FMNL2: variants seen among roughly 807,000 people sequenced by gnomAD.
FMNL2 encodes the protein formin-like protein 2.
A neutral mutation model predicts 130.2 loss-of-function variants in FMNL2; 51 were observed. The ratio of observed to expected loss-of-function variants is 0.39; its 90% confidence interval spans 0.31 to 0.49. The LOEUF (loss-of-function observed/expected upper bound fraction) is 0.49, where lower values mean the gene tolerates loss of function less well. FMNL2 is among the 20% of genes least tolerant of loss of function. FMNL2 has a pLI of 0.85. For synonymous variants in FMNL2, 465 were observed against 467.1 expected (o/e 1.00, Z 0.06); for missense variants, 977 against 1,316.2 (o/e 0.74, Z 3.99).
intron 7 of FMNL2, 40 bp from the exon 8 acceptor site, chr2:152,578,848 C>A: frequency 1.3e-6 from 2 of 1,550,450 alleles, no homozygotes; most frequent in Non-Finnish European, 1.8e-6. Flanking sequence ...ACTTGTCTCC[C>A]AATGCTTTGT....
chr2:152,440,204 C>G (rs1201360603), intron 1 of FMNL2, among the ~76,000 whole-genome samples: 1 of 152,170 alleles, frequency 6.6e-6, no homozygotes. Flanking sequence ...ATCCTCTTGA[C>G]TCAGCCTCCC....
At chr2:152,517,562 G>A (rs1359981062) in intron 1 of FMNL2, among the ~76,000 whole-genome samples, 3 of 152,172 alleles carry the variant, frequency 2.0e-5, no homozygotes, top group African/African-American at 7.2e-5. Flanking sequence ...TCCTGGAGTA[G>A]TGGGGGGAAG....
intron 1 of FMNL2, among the ~76,000 whole-genome samples, chr2:152,453,356 T>C (rs1459686238): frequency 6.6e-6 from 1 of 152,172 alleles, no homozygotes; most frequent in Non-Finnish European, 1.5e-5. Flanking sequence ...CCTTTGCGTA[T>C]ATATTTAAAA....
chr2:152,628,483 A>G lies in FMNL2; in HGVS notation c.2350A>G (p.Ile784Val). ...CGAGAGGCTCATGCAGAAGATGACC[A>G]TCATGGCCTTCATTGGGAACTTTGC... ...KIERLMQKMT[I>V]MAFIGNFAES... Residue 784 changes from isoleucine to valine, a missense_variant, in exon 18 of 26, where the codon ATC becomes GTC. Physicochemically the swap from Ile to Val is conservative, Grantham distance 29. Around this residue, in one of 4 missense-constraint regions of FMNL2, gnomAD observed 689 missense variants for 995.9 expected, o/e 0.69. Transcript: ENST00000288670. 6.2e-7 allele frequency: 1 copy of G among 1,614,042 alleles called. No individual in the cohort carries two copies. Among genetic ancestry groups the G allele is most frequent in the African/African-American group, 1.3e-5 (1 of 75,056 alleles).
At chr2:152,495,323 A>G (rs527546600) in intron 1 of FMNL2, among the ~76,000 whole-genome samples, 1 of 152,196 alleles carries the variant, frequency 6.6e-6, no homozygotes, top group African/African-American at 2.4e-5. Flanking sequence ...TACGTAGATC[A>G]TATTATCAGA....
At chr2:152,527,401 G>A (rs901421445) in intron 2 of FMNL2, among the ~76,000 whole-genome samples, 1 of 152,048 alleles carries the variant, frequency 6.6e-6, no homozygotes, top group African/African-American at 2.4e-5. Flanking sequence ...TACCTAATGG[G>A]TTTGAAACCA....
chr2:152,636,469 G>A lies in FMNL2; in HGVS notation c.2723G>A (p.Arg908Lys). 1 of 1,612,254 alleles carries A rather than the reference G, an allele frequency of 6.2e-7. No homozygotes were observed. Among genetic ancestry groups the A allele is most frequent in the South Asian group, 1.1e-5 (1 of 90,590 alleles). ...NVLLDVKELQRGMDLTKREYT... is the reference protein window; with the variant it reads ...NVLLDVKELQKGMDLTKREYT... ...TTGCTGGATGTCAAGGAGCTCCAGA[G>A]GGGAATGGACTTGACCAAGAGAGAG... The change falls in exon 22 of 26, where the codon AGG becomes AAG. Residue 908 changes from arginine (R) to lysine (K), a missense_variant. Physicochemically the swap from Arg to Lys is conservative, Grantham distance 26. Coordinates refer to ENST00000288670, the MANE Select transcript of FMNL2 (RefSeq NM_052905.4).
intron 10 of FMNL2, among the ~76,000 whole-genome samples, chr2:152,609,389 A>T (rs1441797204): frequency 6.6e-6 from 1 of 152,226 alleles, no homozygotes; most frequent in Non-Finnish European, 1.5e-5. Context: ...GAGGCTTTTG[A>T]TAAACTGCCT....
intron 9 of FMNL2, among the ~76,000 whole-genome samples, chr2:152,581,478 G>C (rs1460571005): frequency 6.6e-6 from 1 of 152,164 alleles, no homozygotes; most frequent in African/African-American, 2.4e-5. Flanking sequence ...TTCTGGGAGC[G>C]TGTAAGCTTA....
chr2:152,390,441 A>G, intron 1 of FMNL2: 4 of 1,255,136 alleles, frequency 3.2e-6, no homozygotes, highest in Admixed American at 1.7e-5. Flanking sequence ...CAATACCAAG[A>G]TGATTAACCC....
intron 1 of FMNL2, among the ~76,000 whole-genome samples, chr2:152,375,897 A>ATATATATATATAT (rs1553871972): frequency 4.2e-5 from 5 of 119,884 alleles, no homozygotes; most frequent in East Asian, 2.3e-4. Flanking sequence ...ATATATATAT[A>ATATATATATATAT]ATTATTATTA....
At chr2:152,513,188 A>G (rs936682438) in intron 1 of FMNL2, among the ~76,000 whole-genome samples, 2 of 152,210 alleles carry the variant, frequency 1.3e-5, no homozygotes, top group African/African-American at 4.8e-5. Context: ...AGGCAATTTC[A>G]TCGTTGTGTG....
intron 10 of FMNL2, 57 bp downstream of exon 10, chr2:152,607,470 T>TACACACACACACACAC (rs3080598): frequency 1.7e-6 from 1 of 587,094 alleles, no homozygotes; most frequent in African/African-American, 1.9e-5. Flanking sequence ...TTTTTCTAAA[T>TACACACACACACACAC]ACACACACAC....
chr2:152,461,986 C>T (rs1689275161), intron 1 of FMNL2, among the ~76,000 whole-genome samples: 1 of 152,010 alleles, frequency 6.6e-6, no homozygotes, highest in Non-Finnish European at 1.5e-5. Flanking sequence ...GCCTCAACTT[C>T]CAAGTCTCAA....
At chr2:152,621,117 T>C (rs895935626) in intron 15 of FMNL2, 4 of 985,316 alleles carry the variant, frequency 4.1e-6, no homozygotes, top group African/African-American at 1.7e-5. Flanking sequence ...TGGAAACCCA[T>C]TATCGTCCCG....
At chr2:152,587,722 C>A (rs1336447467) in intron 9 of FMNL2, among the ~76,000 whole-genome samples, 3 of 152,116 alleles carry the variant, frequency 2.0e-5, no homozygotes, top group Admixed American at 2.0e-4. Context: ...AGGCTGGTAT[C>A]CTCCTGATTG....
intron 1 of FMNL2, among the ~76,000 whole-genome samples, chr2:152,366,674 T>C (rs1683570985): frequency 6.6e-6 from 1 of 152,186 alleles, no homozygotes; most frequent in South Asian, 2.1e-4. Context: ...TGGTTTAAAA[T>C]GCTGTAAATG....
chr2:152,341,840 A>T (rs2105732895), intron 1 of FMNL2, among the ~76,000 whole-genome samples: 1 of 152,356 alleles, frequency 6.6e-6, no homozygotes, highest in South Asian at 2.1e-4. Flanking sequence ...AAAATATTCT[A>T]ACATGTAGAG....
intron 9 of FMNL2, among the ~76,000 whole-genome samples, chr2:152,595,117 CAT>C (rs1480770679): frequency 1.3e-5 from 2 of 152,118 alleles, no homozygotes; most frequent in African/African-American, 4.8e-5. Flanking sequence ...ACTAGCAACA[CAT>C]GTGATATCCC....
Sources: allele counts gnomAD v4.1 joint callset (sites outside exome capture counted in the v4.1 genomes callset), GRCh38; gene constraint gnomAD v4.1.1; regional missense constraint gnomAD v4.1.1; transcripts MANE v1.5; gene names NCBI Gene and HGNC (gene_info 2026-07-23, HGNC 2026-07-21).